Variants in SYN3 observed in about 807,000 individuals in gnomAD.
The protein encoded by SYN3 is synapsin-3.
SYN3 carries 35 observed loss-of-function variants against 65.8 expected under a neutral mutation model. The observed-to-expected ratio is 0.53, with a 90% CI of 0.41 to 0.70. The LOEUF (loss-of-function observed/expected upper bound fraction) is 0.70. Among genes scored for constraint, SYN3 ranks in the 30% least tolerant of loss-of-function variants. SYN3 has a pLI of 0.00. For missense variants in SYN3, 680 were observed against 749.0 expected, an observed-to-expected ratio of 0.91 and a Z score of 1.08; for synonymous variants, 270 against 292.9, an observed-to-expected ratio of 0.92 and a Z score of 0.80.
At position 32,862,898 on chromosome 22, in the gene SYN3, C is replaced by T. The variant is rs1223759424; in HGVS notation, c.711+2017G>A. 6.6e-6 allele frequency: 1 copy of T among 152,582 alleles called. No individual in the cohort carries two copies. Among genetic ancestry groups the T allele is most frequent in the African/African-American group, 2.4e-5 (1 of 41,430 alleles). 9.5% of individuals were successfully genotyped at this position (152,582 alleles called of 1,614,324 possible). A position where few individuals can be genotyped will look rare whatever the true frequency, so the allele number is the denominator to read the frequency against. On this transcript the variant is annotated intron_variant, in intron 6 of 13. Coordinates refer to ENST00000358763, the MANE Select transcript of SYN3 (RefSeq NM_003490.4). ...AAGGAATGTATTTGTTGCTAAATTT[C>T]GTAGCACTGTTTACAGTTTTCCTCC...
At position 33,028,868 on chromosome 22, in the gene SYN3, G is replaced by A. The variant is rs941091699; in HGVS notation, c.-162-22044C>T. 1.1e-4 allele frequency among the ~76,000 whole-genome samples: 16 copies of A among 152,114 alleles called. 1 individual carries two copies. In the South Asian group the frequency reaches 2.5e-3, roughly 24 times the overall value. On this transcript the variant is annotated intron_variant, in intron 1 of 13. Coordinates refer to ENST00000358763, the MANE Select transcript of SYN3 (RefSeq NM_003490.4). ...ATCCTGGCTAAGACAGTGAAACCCC[G>A]TCTCTACTAAAAATACAAAAAACTA... is the stretch of plus-strand genomic sequence containing the variant.
intron 6 of SYN3, among the ~76,000 whole-genome samples, chr22:32,740,298 G>C (rs1276092928): frequency 6.6e-6 from 1 of 152,244 alleles, no homozygotes; most frequent in African/African-American, 2.4e-5. Flanking sequence ...TGTGGAACAT[G>C]AATAAGGAGC....
chr22:32,870,326 T>TTTAA (rs3071369), intron 4 of SYN3, among the ~76,000 whole-genome samples: 52,475 of 151,854 alleles, frequency 0.35, 10,287 homozygotes, highest in African/African-American at 0.54. Flanking sequence ...CATACTTTCT[T>TTTAA]TTGATTTTAA....
chr22:32,726,955 T>A (rs943690802), intron 6 of SYN3, among the ~76,000 whole-genome samples: 1 of 149,484 alleles, frequency 6.7e-6, no homozygotes, highest in Non-Finnish European at 1.5e-5. Flanking sequence ...AATGCTTGCA[T>A]TGAAACTGGA....
intron 7 of SYN3, among the ~76,000 whole-genome samples, chr22:32,596,220 T>C (rs1409886104): frequency 2.0e-5 from 3 of 152,152 alleles, no homozygotes; most frequent in African/African-American, 7.2e-5. Context: ...CCATACAGCC[T>C]GTGGAGCCAC....
intron 1 of SYN3, among the ~76,000 whole-genome samples, chr22:33,015,625 TGA>T (rs2053450623): frequency 6.6e-6 from 1 of 152,184 alleles, no homozygotes; most frequent in Non-Finnish European, 1.5e-5. Context: ...CTGTTCATAC[TGA>T]GAGATTTATC....
chr22:33,040,609 C>G (rs2053946578), intron 1 of SYN3, among the ~76,000 whole-genome samples: 1 of 152,186 alleles, frequency 6.6e-6, no homozygotes, highest in African/African-American at 2.4e-5. Flanking sequence ...ACCCAAATCT[C>G]ATCTTGAATT....
chr22:32,923,034 G>A (rs1228593227), intron 4 of SYN3, among the ~76,000 whole-genome samples: 1 of 152,222 alleles, frequency 6.6e-6, no homozygotes, highest in Non-Finnish European at 1.5e-5. Context: ...TACAGAGGCT[G>A]ACAAGTTCCA....
chr22:32,969,094 A>C (rs1045108464), intron 3 of SYN3, among the ~76,000 whole-genome samples: 1 of 152,218 alleles, frequency 6.6e-6, no homozygotes, highest in Non-Finnish European at 1.5e-5. Flanking sequence ...GTGGTGTGGC[A>C]GTAAGGAAAG....
rs1355058593 is a variant in SYN3, at chr22:32,511,541, T to A, written c.*2151A>T. ...TACTGGGCAGAGTGAGCTCCAGACA[T>A]GCCAGACATGCAGGGACTGTCCTAT... On this transcript the variant is annotated 3_prime_UTR_variant, in exon 14 of 14. Coordinates refer to ENST00000358763, the MANE Select transcript of SYN3 (RefSeq NM_003490.4). Among the ~76,000 whole-genome samples the A allele has an allele frequency of 1.3e-5, 2 of 152,170 alleles. No individual in the cohort carries two copies. Among genetic ancestry groups the A allele is most frequent in the Non-Finnish European group, 2.9e-5 (2 of 68,048 alleles).
In SYN3 at chr22:32,601,117, T is replaced by G. The variant is rs116187887; in HGVS notation, c.712-4381A>C. On this transcript the variant is annotated intron_variant, in intron 6 of 13. Coordinates refer to ENST00000358763, the MANE Select transcript of SYN3 (RefSeq NM_003490.4). ...GAGGAATGTGTTCATTGCTAGAAAT[T>G]GTGGAGTAGGTGCTGTATCTGTATT... 5.7e-3 allele frequency among the ~76,000 whole-genome samples: 865 copies of G among 152,300 alleles called. 8 individuals are homozygous for G. Among genetic ancestry groups the G allele is most frequent in the African/African-American group, 0.02 (822 of 41,562 alleles).
intron 1 of SYN3, among the ~76,000 whole-genome samples, chr22:33,021,105 C>T (rs753847543): frequency 3.9e-5 from 6 of 152,078 alleles, no homozygotes; most frequent in Admixed American, 1.3e-4. Context: ...GAAGGCAACA[C>T]GGCAGGTGCA....
At chr22:32,800,658 TAC>T (rs749157580) in intron 6 of SYN3, among the ~76,000 whole-genome samples, 3 of 152,234 alleles carry the variant, frequency 2.0e-5, no homozygotes, top group African/African-American at 4.8e-5. Context: ...CTGGTTTTAC[TAC>T]AGTTTTGGAT....
At chr22:32,990,083 G>A (rs2145708352) in intron 2 of SYN3, among the ~76,000 whole-genome samples, 1 of 152,268 alleles carries the variant, frequency 6.6e-6, no homozygotes, top group Non-Finnish European at 1.5e-5. Context: ...TTCATGCCAA[G>A]GTGCAAGTGA....
At chr22:32,952,991 T>G (rs1262593105) in intron 3 of SYN3, among the ~76,000 whole-genome samples, 1 of 152,194 alleles carries the variant, frequency 6.6e-6, no homozygotes, top group East Asian at 1.9e-4. Context: ...AATGAATTAA[T>G]CCACTTGAAA....
At chr22:32,865,348 C>T (rs1017087161) in intron 5 of SYN3, among the ~76,000 whole-genome samples, 1 of 152,188 alleles carries the variant, frequency 6.6e-6, no homozygotes, top group African/African-American at 2.4e-5. Flanking sequence ...CCTGCCATAC[C>T]TTCTTTCTAG....
chr22:32,572,255 T>TTCCTTCC (rs1246276846), intron 7 of SYN3, among the ~76,000 whole-genome samples: 3 of 87,524 alleles, frequency 3.4e-5, no homozygotes, highest in African/African-American at 1.5e-4. Context: ...CCTTCCTTCC[T>TTCCTTCC]TTCCTTCCTT....
intron 7 of SYN3, among the ~76,000 whole-genome samples, chr22:32,577,633 C>G (rs1313603783): frequency 2.0e-5 from 3 of 152,234 alleles, no homozygotes; most frequent in East Asian, 1.9e-4. Context: ...CTGCCTTGAT[C>G]ACAGTACATT....
intron 6 of SYN3, among the ~76,000 whole-genome samples, chr22:32,785,940 C>T (rs902367122): frequency 5.3e-5 from 8 of 151,900 alleles, no homozygotes; most frequent in Non-Finnish European, 1.2e-4. Flanking sequence ...CTTGCTTTTG[C>T]CTATGAGACT....
Sources: gnomAD v4.1 joint callset for allele counts (sites outside exome capture counted in the v4.1 genomes callset) on GRCh38, gnomAD v4.1.1 for gene constraint, MANE v1.5 for transcripts, NCBI Gene and HGNC (gene_info 2026-07-23, HGNC 2026-07-21) for gene names.